The following TAF9 variants were observed in gnomAD, a reference collection of about 807,000 sequenced individuals.
The protein encoded by TAF9 is transcription initiation factor TFIID subunit 9.
In TAF9, 10 loss-of-function variants were observed where a neutral mutation model predicts 16.5. The observed-to-expected ratio is 0.61, with a 90% CI of 0.37 to 1.03. TAF9 has a LOEUF of 1.03. TAF9 is among the 50% of genes least tolerant of loss of function. The pLI is 0.01. For missense variants in TAF9, 288 were observed against 319.1 expected (o/e 0.90, Z 0.74); for synonymous variants, 105 against 120.5 (o/e 0.87, Z 0.84).
In TAF9 at chr5:69,365,069, G is replaced by C. The variant is rs1762360639; in HGVS notation, c.669C>G (p.Asn223Lys). 1 of 1,614,194 alleles carries C rather than the reference G, an allele frequency of 6.2e-7. No individual in the cohort carries two copies. The highest frequency in any genetic ancestry group is 1.3e-5 in the African/African-American group (1 of 75,050). ...LINPSLIGSK[N>K]ILITTNMMSS... ...ACATCATATTAGTGGTAATAAGAAT[G>C]TTTTTGGACCCGATTAATGATGGAT... Residue 223 changes from asparagine to lysine, a missense_variant, in exon 3 of 3, where the codon AAC becomes AAG. Physicochemically the swap from Asn to Lys is moderately conservative, Grantham distance 94. Coordinates refer to ENST00000217893, the MANE Select transcript of TAF9 (RefSeq NM_003187.5).
chr5:69,368,343 T>G (rs1359541758), intron 1 of TAF9, among the ~76,000 whole-genome samples: 1 of 152,182 alleles, frequency 6.6e-6, no homozygotes, highest in African/African-American at 2.4e-5. Flanking sequence ...AACTTAAGCA[T>G]AAAGATAACA....
intron 1 of TAF9, chr5:69,369,149 T>G: frequency 2.2e-6 from 1 of 462,470 alleles, no homozygotes. Flanking sequence ...AACAACCCAT[T>G]TTACAAACGA....
At chr5:69,368,118 C>G (rs938535652) in intron 1 of TAF9, among the ~76,000 whole-genome samples, 4 of 152,206 alleles carry the variant, frequency 2.6e-5, no homozygotes, top group African/African-American at 4.8e-5. Flanking sequence ...AAACCAGTTT[C>G]CTTTCCCAAA....
chr5:69,366,102 AG>A (rs2150739653), intron 2 of TAF9, among the ~76,000 whole-genome samples: 1 of 152,346 alleles, frequency 6.6e-6, no homozygotes, highest in South Asian at 2.1e-4. Flanking sequence ...ACCATAGCAT[AG>A]TCAGGTCCCA....
At chr5:69,367,384 C>T (rs1272703495) in intron 1 of TAF9, among the ~76,000 whole-genome samples, 1 of 151,502 alleles carries the variant, frequency 6.6e-6, no homozygotes, top group Non-Finnish European at 1.5e-5. Context: ...GTGGCGCGTG[C>T]CTGTAATCCC....
At chr5:69,369,199 G>A in intron 1 of TAF9, 1 of 488,962 alleles carries the variant, frequency 2.0e-6, no homozygotes, top group Non-Finnish European at 3.6e-6. Flanking sequence ...TGCCAAGCTG[G>A]AGAGCTGGAT....
intron 1 of TAF9, among the ~76,000 whole-genome samples, chr5:69,367,229 C>A (rs534819461): frequency 6.9e-4 from 105 of 151,710 alleles, no homozygotes; most frequent in African/African-American, 2.4e-3. Flanking sequence ...TTAGCCATCT[C>A]GTGCTGGGCG....
chr5:69,368,244 C>T (rs1193709533), intron 1 of TAF9, among the ~76,000 whole-genome samples: 1 of 152,134 alleles, frequency 6.6e-6, no homozygotes, highest in African/African-American at 2.4e-5. Flanking sequence ...TTGTTCTTTA[C>T]CTTCCCCTTC....
In TAF9 at chr5:69,365,019, GAT is replaced by G. The variant is rs766605765; in HGVS notation, c.717_718del (p.Glu239AspfsTer10). 1 of 1,614,008 alleles carries G rather than the reference GAT, an allele frequency of 6.2e-7. No homozygotes were observed. The highest frequency in any genetic ancestry group is 8.5e-7 in the Non-Finnish European group (1 of 1,179,920). ...ACGTTTTCTTTTCAATGCATTTGAT[GAT>G]TCATTGGCAGTATTTTGTGATGACA... On this transcript the variant is annotated frameshift_variant, in exon 3 of 3. Transcript: ENST00000217893. LOFTEE classifies it high-confidence loss of function.
rs1561219860 is a variant in TAF9, at chr5:69,365,030, A to T, written c.708T>A (p.Thr236=). ...TCAATGCATTTGATGATTCATTGGCAGTATTTTGTGATGACATCATATTAG... is the reference window on the plus strand; with the variant it reads ...TCAATGCATTTGATGATTCATTGGCTGTATTTTGTGATGACATCATATTAG... ...ITTNMMSSQN[T]ANESSNALKR... Residue 236 remains threonine, a synonymous_variant, in exon 3 of 3, where the codon ACT becomes ACA. Coordinates refer to ENST00000217893, the MANE Select transcript of TAF9 (RefSeq NM_003187.5). The T allele has an allele frequency of 6.2e-7, 1 of 1,614,156 alleles. No individual in the cohort carries two copies. Among genetic ancestry groups the T allele is most frequent in the Non-Finnish European group, 8.5e-7 (1 of 1,179,994 alleles).
intron 1 of TAF9, chr5:69,369,158 G>A: frequency 2.1e-6 from 1 of 471,426 alleles, no homozygotes; most frequent in Non-Finnish European, 3.7e-6. Context: ...TTTTACAAAC[G>A]AAATACCAGA....
intron 1 of TAF9, among the ~76,000 whole-genome samples, chr5:69,368,451 AATGTTC>A (rs1762612953): frequency 6.6e-6 from 1 of 152,200 alleles, no homozygotes; most frequent in Non-Finnish European, 1.5e-5. Context: ...TTTTCAATAA[AATGTTC>A]ACTTTAAAGT....
chr5:69,367,494 G>C (rs1762495183), intron 1 of TAF9, among the ~76,000 whole-genome samples: 1 of 119,670 alleles, frequency 8.4e-6, no homozygotes, highest in Non-Finnish European at 1.7e-5. Flanking sequence ...TGGCGACAGA[G>C]ACTCCATCTC....
chr5:69,366,909 C>G (rs369388335), intron 1 of TAF9: 24 of 265,868 alleles, frequency 9.0e-5, no homozygotes, highest in Middle Eastern at 1.4e-3. Context: ...CAGGTGCCCA[C>G]CACCATACCC....
intron 1 of TAF9, 27 bp downstream of exon 1, chr5:69,369,436 C>T (rs759478703): frequency 1.9e-6 from 3 of 1,608,926 alleles, no homozygotes; most frequent in Non-Finnish European, 2.5e-6. Flanking sequence ...TGCCCCAGCC[C>T]AGTCCCTCCC....
intron 2 of TAF9, 48 bp downstream of exon 2, chr5:69,366,455 G>T: frequency 2.0e-6 from 3 of 1,481,818 alleles, no homozygotes; most frequent in Non-Finnish European, 2.8e-6. Flanking sequence ...CCACTTACCA[G>T]ACCTTAAAAA....
At position 69,364,877 on chromosome 5, in the gene TAF9, T is replaced by C. The variant is rs760936962; in HGVS notation, c.*66A>G. On this transcript the variant is annotated 3_prime_UTR_variant, in exon 3 of 3. Transcript: ENST00000217893. ...AAACACAACTTGAAAACATCCAGCA[T>C]GCATGTTTAATATCAGTACAATGAA... 1 of 1,391,618 alleles carries C rather than the reference T, an allele frequency of 7.2e-7. No individual in the cohort carries two copies. The highest frequency in any genetic ancestry group is 9.8e-7 in the Non-Finnish European group (1 of 1,018,030). 86.2% of individuals were successfully genotyped at this position (1,391,618 alleles called of 1,614,324 possible). A position where few individuals can be genotyped will look rare whatever the true frequency, so the allele number is the denominator to read the frequency against.
At position 69,369,461 on chromosome 5, in the gene TAF9, A is replaced by G. The variant is rs140150169; in HGVS notation, c.-111+2T>C. 3.0e-5 allele frequency: 49 copies of G among 1,610,080 alleles called. No homozygotes were observed. In the African/African-American group the frequency reaches 6.6e-4, roughly 22 times the overall value. ...CAGTCCCTCCCGGCCGCGCGCCCTG[A>G]CCGGTGAGCAGGATGTTCGGAAGCA... On this transcript the variant is annotated splice_donor_variant, in intron 1 of 2. Transcript: ENST00000217893. LOFTEE classifies it low-confidence loss of function (5UTR_SPLICE).
At chr5:69,369,754 A>C, upstream of TAF9, 3 of 1,508,270 alleles carry the variant, frequency 2.0e-6, no homozygotes, top group Admixed American at 6.0e-5. Flanking sequence ...CCTAAGTCAC[A>C]CACTCCTTCG....
Sources: allele counts gnomAD v4.1 joint callset (sites outside exome capture counted in the v4.1 genomes callset), GRCh38; gene constraint gnomAD v4.1.1; transcripts MANE v1.5; gene names NCBI Gene and HGNC (gene_info 2026-07-23, HGNC 2026-07-21).